The following SRP72 variants were observed in gnomAD, a reference collection of about 807,000 sequenced individuals.
SRP72 encodes the protein signal recognition particle 72.
Under a neutral mutation model 96.3 loss-of-function variants are expected in SRP72, and 49 were observed. The observed-to-expected ratio is 0.51, with a 90% CI of 0.40 to 0.65. The LOEUF (loss-of-function observed/expected upper bound fraction) is 0.65. Ranked by LOEUF, SRP72 falls within the 30% of genes least tolerant of loss-of-function variation. The pLI is 0.00. For synonymous variants in SRP72, 267 were observed against 275.2 expected, an observed-to-expected ratio of 0.97 and a Z score of 0.30; for missense variants, 736 against 793.3, an observed-to-expected ratio of 0.93 and a Z score of 0.87.
At chr4:56,471,121 A>G (rs1158688457) in intron 2 of SRP72, among the ~76,000 whole-genome samples, 1 of 152,214 alleles carries the variant, frequency 6.6e-6, no homozygotes, top group Non-Finnish European at 1.5e-5. Flanking sequence ...ATTTTTTGTT[A>G]GGTAAGTAAA....
intron 13 of SRP72, among the ~76,000 whole-genome samples, chr4:56,490,044 A>G (rs1247067413): frequency 1.3e-5 from 2 of 149,982 alleles, no homozygotes; most frequent in Non-Finnish European, 3.0e-5. Context: ...CTATGGTGGC[A>G]TATCTTTAAG....
At chr4:56,485,302 T>C (rs1720662228) in intron 10 of SRP72, among the ~76,000 whole-genome samples, 1 of 150,936 alleles carries the variant, frequency 6.6e-6, no homozygotes, top group Non-Finnish European at 1.5e-5. Context: ...ATAAACTACA[T>C]TGGAAAGTTG....
chr4:56,491,813 G>T, intron 16 of SRP72: 2 of 322,446 alleles, frequency 6.2e-6, no homozygotes, highest in Non-Finnish European at 1.1e-5. Context: ...ACACACAGAT[G>T]GTTTACAAAT....
At chr4:56,480,826 A>G (rs964028459) in intron 8 of SRP72, among the ~76,000 whole-genome samples, 2 of 152,216 alleles carry the variant, frequency 1.3e-5, no homozygotes, top group African/African-American at 4.8e-5. Context: ...ATTTAATACT[A>G]CATTTGGTGA....
intron 18 of SRP72, 151 bp from the exon 19 acceptor site, chr4:56,501,533 A>G: frequency 8.0e-6 from 5 of 624,572 alleles, no homozygotes; most frequent in Non-Finnish European, 1.1e-5. Flanking sequence ...TTCAAAAGAA[A>G]AGTCGATAGG....
At chr4:56,497,214 T>G (rs532289003) in intron 17 of SRP72, among the ~76,000 whole-genome samples, 22 of 149,868 alleles carry the variant, frequency 1.5e-4, no homozygotes, top group Non-Finnish European at 2.2e-4. Context: ...TTATTTTATT[T>G]TATTTATTTA....
In SRP72 at chr4:56,469,733, G is replaced by C. The variant is rs1472680556; in HGVS notation, c.190G>C (p.Ala64Pro). Reference protein sequence around the residue: ...CLIQNGSFKEALNVINTHTKV... With the variant: ...CLIQNGSFKEPLNVINTHTKV... The stretch of plus-strand genomic sequence containing the variant: ...TATCCAGAATGGAAGTTTCAAGGAA[G>C]CTTTGAATGTCATCAATACTCACAC... The change falls in exon 2 of 19, where the codon GCT becomes CCT. Residue 64 changes from alanine (A) to proline (P), a missense_variant. Ala to Pro is a conservative substitution (Grantham distance 27). Transcript: ENST00000642900. The C allele has an allele frequency of 6.2e-7, 1 of 1,612,620 alleles. No homozygotes were observed. The highest frequency in any genetic ancestry group is 8.5e-7 in the Non-Finnish European group (1 of 1,179,032).
At chr4:56,495,688 T>C (rs757460832) in intron 17 of SRP72, among the ~76,000 whole-genome samples, 14 of 152,240 alleles carry the variant, frequency 9.2e-5, no homozygotes, top group Non-Finnish European at 1.8e-4. Context: ...ATATATCTTG[T>C]AGTATTAGAT....
chr4:56,485,370 G>A (rs1720664943), intron 10 of SRP72, among the ~76,000 whole-genome samples: 1 of 131,120 alleles, frequency 7.6e-6, no homozygotes, highest in Admixed American at 9.3e-5. Flanking sequence ...GACACTCAGT[G>A]AAGAGACACC....
chr4:56,496,263 A>C (rs955073657), intron 17 of SRP72, among the ~76,000 whole-genome samples: 2 of 152,204 alleles, frequency 1.3e-5, no homozygotes, highest in Non-Finnish European at 2.9e-5. Context: ...CAGGTTTCCC[A>C]AGGCTTAGCT....
intron 11 of SRP72, among the ~76,000 whole-genome samples, chr4:56,486,662 A>G (rs1720720599): frequency 6.6e-6 from 1 of 152,200 alleles, no homozygotes; most frequent in African/African-American, 2.4e-5. Flanking sequence ...CTCTCTTCCA[A>G]AAGACCATAC....
At chr4:56,500,145 A>G (rs1411404671) in intron 17 of SRP72, among the ~76,000 whole-genome samples, 1 of 152,192 alleles carries the variant, frequency 6.6e-6, no homozygotes, top group African/African-American at 2.4e-5. Context: ...GTTCTCACTC[A>G]TAAGTGGGAG....
At chr4:56,498,986 G>A (rs1400295277) in intron 17 of SRP72, among the ~76,000 whole-genome samples, 11 of 152,156 alleles carry the variant, frequency 7.2e-5, no homozygotes, top group Admixed American at 7.2e-4. Context: ...GAACAAAGCT[G>A]GACGCATCAT....
intron 16 of SRP72, among the ~76,000 whole-genome samples, chr4:56,493,196 C>T (rs550645388): frequency 4.4e-4 from 67 of 151,930 alleles, no homozygotes; most frequent in African/African-American, 1.6e-3. Flanking sequence ...TGCCATCACG[C>T]CTGGCTAATT....
At chr4:56,473,741 G>A (rs1720083602) in intron 3 of SRP72, among the ~76,000 whole-genome samples, 1 of 151,708 alleles carries the variant, frequency 6.6e-6, no homozygotes, top group Admixed American at 6.6e-5. Flanking sequence ...CTCCAGTCTA[G>A]GCAACAAGAG....
At chr4:56,483,785 AG>A (rs1235078030) in intron 9 of SRP72, among the ~76,000 whole-genome samples, 8 of 152,168 alleles carry the variant, frequency 5.3e-5, no homozygotes, top group African/African-American at 1.7e-4. Context: ...GGAAGAAAAC[AG>A]TATTCACACC....
chr4:56,472,823 A>G (rs1402364323), intron 3 of SRP72, among the ~76,000 whole-genome samples: 1 of 152,142 alleles, frequency 6.6e-6, no homozygotes, highest in Non-Finnish European at 1.5e-5. Context: ...TTTAGGGTAA[A>G]TTCTAGCATT....
intron 17 of SRP72, among the ~76,000 whole-genome samples, chr4:56,499,612 AAAAG>A (rs1349376439): frequency 6.6e-6 from 1 of 152,244 alleles, no homozygotes; most frequent in Non-Finnish European, 1.5e-5. Context: ...AAACATGAAA[AAAAG>A]CTCATCATCA....
chr4:56,502,605 G>GAAAATATATCAAAATATATC lies in SRP72; in HGVS notation c.*756_*757insAATATATCAAAATATATCAA, dbSNP rs1388077633. 6.6e-6 allele frequency: 1 copy of GAAAATATATCAAAATATATC among 151,118 alleles called. No individual in the cohort carries two copies. Among genetic ancestry groups the GAAAATATATCAAAATATATC allele is most frequent in the Non-Finnish European group, 1.5e-5 (1 of 67,842 alleles). The allele number at this position is 151,118 out of a possible 1,614,324, so 9.4% of individuals were successfully genotyped here. A position where few individuals can be genotyped will look rare whatever the true frequency, so the allele number is the denominator to read the frequency against. On this transcript the variant is annotated 3_prime_UTR_variant, in exon 19 of 19. Coordinates refer to ENST00000642900, the MANE Select transcript of SRP72 (RefSeq NM_006947.4). ...ATACAGCACCATGAAAGAACTCAAG[G>GAAAATATATCAAAATATATC]AAAATATATCAATGTAAGAAGTTCA...
Sources: allele counts gnomAD v4.1 joint callset (sites outside exome capture counted in the v4.1 genomes callset), GRCh38; gene constraint gnomAD v4.1.1; transcripts MANE v1.5; gene names NCBI Gene and HGNC (gene_info 2026-07-23, HGNC 2026-07-21).